Variants in GOLGB1 observed in about 807,000 individuals in gnomAD.
GOLGB1 encodes the protein golgin B1.
Under a neutral mutation model 336.9 loss-of-function variants are expected in GOLGB1, and 174 were observed. The ratio of observed to expected loss-of-function variants is 0.52; its 90% CI spans 0.46 to 0.59. GOLGB1 has a LOEUF of 0.59. GOLGB1 is among the 20% of genes least tolerant of loss of function. GOLGB1 has a pLI of 0.00. For synonymous variants in GOLGB1, 1,208 were observed against 1,289.2 expected (o/e 0.94, Z 1.35); for missense variants, 3,331 against 3,645.3 (o/e 0.91, Z 2.22).
chr3:121,739,486 T>A (rs1946707827), intron 1 of GOLGB1, among the ~76,000 whole-genome samples: 1 of 150,428 alleles, frequency 6.6e-6, no homozygotes, highest in Non-Finnish European at 1.5e-5. Context: ...ACATCAGAAA[T>A]AGAAAAACCC....
At chr3:121,722,864 T>C (rs1343728533) in intron 5 of GOLGB1, among the ~76,000 whole-genome samples, 6 of 152,190 alleles carry the variant, frequency 3.9e-5, no homozygotes, top group African/African-American at 1.2e-4. Flanking sequence ...AATTTTAGAA[T>C]AGTGGCAGGG....
chr3:121,710,509 T>C (rs893534524), intron 10 of GOLGB1, among the ~76,000 whole-genome samples: 1 of 152,220 alleles, frequency 6.6e-6, no homozygotes, highest in Non-Finnish European at 1.5e-5. Flanking sequence ...GGGTTTGAAC[T>C]ACATGAGTTC....
chr3:121,670,742 T>C (rs547930801), intron 17 of GOLGB1, among the ~76,000 whole-genome samples: 1 of 108,902 alleles, frequency 9.2e-6, no homozygotes, highest in African/African-American at 3.7e-5. Context: ...AAGAAAATCA[T>C]AGGGTTTTCT....
At chr3:121,729,402 TA>T in intron 3 of GOLGB1, 62 bp from the exon 4 acceptor site, 1 of 1,272,062 alleles carries the variant, frequency 7.9e-7, no homozygotes, top group Non-Finnish European at 1.1e-6. Context: ...TAGCACATAC[TA>T]AAAGTTATTT....
At position 121,696,863 on chromosome 3, in the gene GOLGB1, C is replaced by T; in HGVS notation, c.3660G>A (p.Leu1220=). Residue 1220 remains leucine (L), a synonymous_variant, in exon 13 of 22, where the codon TTG becomes TTA. Transcript: ENST00000614479. ...LKQQKDDYNR[L]QEQFDEQSKE... ...TGCTTTGCTCATCAAACTGTTCTTG[C>T]AAGCGATTATAGTCATCTTTCTGTT... 2 of 1,614,174 alleles carry T rather than the reference C, an allele frequency of 1.2e-6. No individual in the cohort carries two copies. Among genetic ancestry groups the T allele is most frequent in the Non-Finnish European group, 1.7e-6 (2 of 1,180,014 alleles).
intron 1 of GOLGB1, among the ~76,000 whole-genome samples, chr3:121,748,631 TGACC>T (rs1284635034): frequency 2.0e-5 from 3 of 152,256 alleles, no homozygotes; most frequent in Non-Finnish European, 4.4e-5. Flanking sequence ...ATAACCATTC[TGACC>T]ATCTAAATCT....
At position 121,696,290 on chromosome 3, in the gene GOLGB1, T is replaced by G; in HGVS notation, c.4233A>C (p.Glu1411Asp). ...GTTGTCCAGAAAGGTAGCTAACGTC[T>G]TCTTCCTTTTTGCTTATGAGTTTTT... ...ELQKLISKKEEDVSYLSGQLS... is the reference protein window; with the variant it reads ...ELQKLISKKEDDVSYLSGQLS... The change falls in exon 13 of 22, where the codon GAA becomes GAC. Residue 1411 changes from glutamate to aspartate, a missense_variant. Transcript: ENST00000614479. 1 of 1,614,034 alleles carries G rather than the reference T, an allele frequency of 6.2e-7. No homozygotes were observed. The highest frequency in any genetic ancestry group is 8.5e-7 in the Non-Finnish European group (1 of 1,179,994).
rs1170358762 is a variant in GOLGB1 at position 121,727,330 on chromosome 3, T to A, written c.403-289A>T. ...TATATATATATATATATTTTTTTTT[T>A]TTTTTTTTTTTTTTTTTTCCCTCAC... On this transcript the variant is annotated intron_variant, in intron 4 of 21. Coordinates refer to ENST00000614479, the MANE Select transcript of GOLGB1 (RefSeq NM_001366282.2). Among the ~76,000 whole-genome samples the A allele has an allele frequency of 5.5e-4, 66 of 119,500 alleles. 1 individual carries two copies. Among genetic ancestry groups the A allele is most frequent in the East Asian group, 1.1e-3 (4 of 3,628 alleles). The allele number at this position is 119,500 out of a possible 152,430, so 78.4% of individuals were successfully genotyped here.
chr3:121,747,092 T>C lies in GOLGB1; in HGVS notation c.-3+2540A>G, dbSNP rs982701337. On this transcript the variant is annotated intron_variant, in intron 1 of 21. Transcript: ENST00000614479. Reference sequence around the variant, plus strand: ...ATTAGTATGGCCCCAAATAATTCCATATTGTTTATACCACAGACAGGTTCA... The same window carrying C: ...ATTAGTATGGCCCCAAATAATTCCACATTGTTTATACCACAGACAGGTTCA... 2.1e-5 allele frequency among the ~76,000 whole-genome samples: 3 copies of C among 143,842 alleles called. No homozygotes were observed. The Admixed American group carries it at 2.1e-4, about 10-fold the overall frequency. The allele number at this position is 143,842 out of a possible 152,430, so 94.4% of individuals were successfully genotyped here. A position where few individuals can be genotyped will look rare whatever the true frequency, so the allele number is the denominator to read the frequency against.
Position 121,716,895 on chromosome 3 carries a change from G to A in GOLGB1, c.1130C>T (p.Ala377Val), listed in dbSNP as rs1018303365. 3.1e-6 allele frequency: 5 copies of A among 1,613,778 alleles called. No individual in the cohort carries two copies. In the African/African-American group the frequency reaches 4.0e-5, roughly 13 times the overall value. Residue 377 changes from alanine to valine, a missense_variant, in exon 9 of 22, where the codon GCA (alanine) becomes GTA (valine). By Grantham distance (64) the Ala-to-Val change is moderately conservative (BLOSUM62 0). Transcript: ENST00000614479. ...ATGAGAGGTCTTCTCTTCCATTTCT[G>A]CTTTGTGCTTCTGCTCCAAAGCACT... ...RYSALEQKHK[A>V]EMEEKTSHIL...
intron 8 of GOLGB1, among the ~76,000 whole-genome samples, chr3:121,717,569 T>C (rs1048297120): frequency 1.3e-5 from 2 of 152,020 alleles, no homozygotes; most frequent in Admixed American, 6.5e-5. Context: ...ATCAGGACAA[T>C]ATGAGAAAGA....
At position 121,664,474 on chromosome 3, in the gene GOLGB1, C is replaced by T. The variant is rs1307109304; in HGVS notation, c.*6G>A. Reference sequence around the variant, plus strand: ...AGGGGAGTGGTCCAAAGAGTAACAACTAAGTCTATAGATGGCCCGTAAAAC... The same window carrying T: ...AGGGGAGTGGTCCAAAGAGTAACAATTAAGTCTATAGATGGCCCGTAAAAC... On this transcript the variant is annotated 3_prime_UTR_variant, in exon 22 of 22. Coordinates refer to ENST00000614479, the MANE Select transcript of GOLGB1 (RefSeq NM_001366282.2). 18 of 1,613,062 alleles carry T rather than the reference C, an allele frequency of 1.1e-5. No homozygotes were observed. Among genetic ancestry groups the T allele is most frequent in the African/African-American group, 2.7e-5 (2 of 74,848 alleles).
chr3:121,672,201 C>T (rs1425017845), intron 17 of GOLGB1, among the ~76,000 whole-genome samples: 1 of 152,178 alleles, frequency 6.6e-6, no homozygotes, highest in Admixed American at 6.5e-5. Context: ...TTTGAGATAC[C>T]TCCATACTGT....
intron 2 of GOLGB1, among the ~76,000 whole-genome samples, chr3:121,730,586 T>C (rs1288702327): frequency 2.0e-5 from 3 of 152,210 alleles, no homozygotes; most frequent in African/African-American, 7.2e-5. Flanking sequence ...GGAAAAGGAA[T>C]AGCCAAGGAT....
At chr3:121,676,811 A>G in intron 17 of GOLGB1, 82 bp downstream of exon 17, 1 of 1,201,492 alleles carries the variant, frequency 8.3e-7, no homozygotes, top group Non-Finnish European at 1.2e-6. Flanking sequence ...CTGGGACTCT[A>G]TGCTGAATTG....
At chr3:121,717,254 G>C (rs1189444986) in intron 8 of GOLGB1, 115 bp from the exon 9 acceptor site, 13 of 776,218 alleles carry the variant, frequency 1.7e-5, no homozygotes, top group Non-Finnish European at 2.6e-5. Flanking sequence ...TTCTATGCTA[G>C]AGAGAAAGCC....
At chr3:121,688,766 G>A (rs1301988325) in intron 14 of GOLGB1, among the ~76,000 whole-genome samples, 3 of 148,366 alleles carry the variant, frequency 2.0e-5, no homozygotes, top group Admixed American at 6.7e-5. Context: ...GCTGCCCATC[G>A]TCTGAGATGT....
intron 9 of GOLGB1, 84 bp downstream of exon 9, chr3:121,716,653 T>G (rs1944802298): frequency 1.7e-6 from 2 of 1,151,172 alleles, no homozygotes; most frequent in Non-Finnish European, 2.5e-6. Flanking sequence ...TGAGTACAGA[T>G]TTCATTAACA....
chr3:121,715,938 GC>G (rs1484766562), intron 9 of GOLGB1, among the ~76,000 whole-genome samples: 40 of 151,276 alleles, frequency 2.6e-4, no homozygotes, highest in Non-Finnish European at 5.2e-4. Context: ...GTTGCAGTGA[GC>G]CGAGATCATG....
Sources: allele counts gnomAD v4.1 joint callset (sites outside exome capture counted in the v4.1 genomes callset), GRCh38; gene constraint gnomAD v4.1.1; transcripts MANE v1.5; gene names NCBI Gene and HGNC (gene_info 2026-07-23, HGNC 2026-07-21).